DSCAM: variants seen among roughly 807,000 people sequenced by gnomAD.
DSCAM encodes the protein cell adhesion molecule DSCAM.
Under a neutral mutation model 217.7 loss-of-function variants are expected in DSCAM, and 47 were observed. The ratio of observed to expected loss-of-function variants is 0.22; its 90% CI spans 0.17 to 0.28. The LOEUF is 0.28. Among genes scored for constraint, DSCAM ranks in the 10% least tolerant of loss-of-function variants. The probability of loss-of-function intolerance (pLI) is 1.00; values close to 1 mark genes in which losing one functional copy is unlikely to be tolerated. For missense variants in DSCAM, 2,080 were observed against 2,618.3 expected (o/e 0.79, Z 4.49); for synonymous variants, 1,056 against 1,015.3 (o/e 1.04, Z -0.76).
intron 16 of DSCAM, among the ~76,000 whole-genome samples, chr21:40,158,385 C>T (rs575351535): frequency 1.3e-5 from 2 of 151,994 alleles, no homozygotes; most frequent in East Asian, 3.9e-4. Context: ...TAGAGTGAGA[C>T]CCTGTCTCAA....
At chr21:40,074,242 C>A (rs1055490186) in intron 27 of DSCAM, among the ~76,000 whole-genome samples, 1 of 152,112 alleles carries the variant, frequency 6.6e-6, no homozygotes, top group African/African-American at 2.4e-5. Context: ...TAGCAGTATC[C>A]CACACTGCAC....
chr21:40,655,654 T>C (rs2090066939), intron 3 of DSCAM, among the ~76,000 whole-genome samples: 1 of 152,106 alleles, frequency 6.6e-6, no homozygotes, highest in African/African-American at 2.4e-5. Context: ...GATTTTGCCA[T>C]GTTGCCAATA....
At chr21:40,584,979 G>A (rs542924048) in intron 3 of DSCAM, among the ~76,000 whole-genome samples, 2 of 152,178 alleles carry the variant, frequency 1.3e-5, no homozygotes, top group Non-Finnish European at 2.9e-5. Flanking sequence ...ATTCCAGAGA[G>A]AGTGCTCCCA....
intron 3 of DSCAM, among the ~76,000 whole-genome samples, chr21:40,376,397 T>TAG (rs1451636830): frequency 6.7e-6 from 1 of 148,196 alleles, no homozygotes; most frequent in African/African-American, 2.5e-5. Flanking sequence ...AGAAGATATA[T>TAG]ATATATCTAT....
chr21:40,085,476 T>G (rs1310158968), intron 23 of DSCAM, 126 bp downstream of exon 23: 2 of 858,610 alleles, frequency 2.3e-6, no homozygotes, highest in Admixed American at 7.2e-5. Flanking sequence ...GTTTTCTTTT[T>G]CTGTAATATG....
chr21:40,130,232 G>A (rs960552226), intron 19 of DSCAM, among the ~76,000 whole-genome samples: 13 of 152,088 alleles, frequency 8.5e-5, no homozygotes, highest in Admixed American at 3.3e-4. Flanking sequence ...GGCTTGACTC[G>A]TATTATAGTA....
chr21:40,776,998 T>C (rs1027959352), intron 1 of DSCAM, among the ~76,000 whole-genome samples: 2 of 152,180 alleles, frequency 1.3e-5, no homozygotes, highest in African/African-American at 4.8e-5. Context: ...TCTCACTATA[T>C]CTTAGTCTGC....
chr21:40,637,884 A>G (rs1412782603), intron 3 of DSCAM, among the ~76,000 whole-genome samples: 1 of 151,446 alleles, frequency 6.6e-6, no homozygotes, highest in Non-Finnish European at 1.5e-5. Context: ...GGGTTTCACC[A>G]TATTGGTCAG....
intron 3 of DSCAM, among the ~76,000 whole-genome samples, chr21:40,535,965 T>C (rs2146120384): frequency 6.6e-6 from 1 of 152,240 alleles, no homozygotes; most frequent in African/African-American, 2.4e-5. Context: ...AAGCTGGAGG[T>C]AAGTGCTGTG....
At chr21:40,416,897 C>A (rs1458100848) in intron 3 of DSCAM, among the ~76,000 whole-genome samples, 1 of 152,028 alleles carries the variant, frequency 6.6e-6, no homozygotes, top group Non-Finnish European at 1.5e-5. Flanking sequence ...TTCATGCCCC[C>A]CAAAAATGCT....
intron 3 of DSCAM, among the ~76,000 whole-genome samples, chr21:40,673,783 A>C (rs1297206249): frequency 6.6e-6 from 1 of 152,086 alleles, no homozygotes; most frequent in Non-Finnish European, 1.5e-5. Flanking sequence ...TACCATGTGA[A>C]CTTTCTGCTC....
intron 3 of DSCAM, among the ~76,000 whole-genome samples, chr21:40,551,924 T>A (rs1437821004): frequency 6.6e-6 from 1 of 151,990 alleles, no homozygotes; most frequent in Non-Finnish European, 1.5e-5. Context: ...GCCAAGAGGG[T>A]GTGTCCATTC....
chr21:40,693,294 G>A (rs2090558701), intron 2 of DSCAM, among the ~76,000 whole-genome samples: 1 of 152,140 alleles, frequency 6.6e-6, no homozygotes, highest in Middle Eastern at 3.4e-3. Flanking sequence ...AAAATTGCTG[G>A]GCATGGTGGT....
At chr21:40,215,323 T>C (rs1468732968) in intron 11 of DSCAM, among the ~76,000 whole-genome samples, 1 of 147,652 alleles carries the variant, frequency 6.8e-6, no homozygotes, top group East Asian at 2.0e-4. Context: ...AAAATGTGGT[T>C]CATACACAAC....
intron 18 of DSCAM, 136 bp from the exon 19 acceptor site, chr21:40,134,145 A>C: frequency 8.9e-7 from 1 of 1,126,358 alleles, no homozygotes; most frequent in Non-Finnish European, 1.2e-6. Context: ...GAATTCTCAA[A>C]GGGACTGTGC....
At chr21:40,800,313 T>C (rs1306711903) in intron 1 of DSCAM, among the ~76,000 whole-genome samples, 1 of 151,792 alleles carries the variant, frequency 6.6e-6, no homozygotes, top group African/African-American at 2.4e-5. Flanking sequence ...AGGAGTGGGG[T>C]GTTGATGATA....
At chr21:40,529,473 T>A (rs62225547) in intron 3 of DSCAM, among the ~76,000 whole-genome samples, 1 of 151,902 alleles carries the variant, frequency 6.6e-6, no homozygotes, top group Admixed American at 6.6e-5. Context: ...CCTTACAATG[T>A]GTTTCAAAAG....
chr21:40,543,811 A>G (rs1010145), intron 3 of DSCAM, among the ~76,000 whole-genome samples: 44,457 of 152,046 alleles, frequency 0.29, 8,279 homozygotes, highest in African/African-American at 0.52. Context: ...AATGACAACT[A>G]TTATTATTCA....
intron 3 of DSCAM, among the ~76,000 whole-genome samples, chr21:40,432,535 G>A (rs569560749): frequency 9.9e-5 from 15 of 152,234 alleles, no homozygotes; most frequent in Non-Finnish European, 1.9e-4. Context: ...CATCTATAAA[G>A]TCCTTTTTCC....
Sources: allele counts gnomAD v4.1 joint callset (sites outside exome capture counted in the v4.1 genomes callset), GRCh38; gene constraint gnomAD v4.1.1; transcripts MANE v1.5; gene names NCBI Gene and HGNC (gene_info 2026-07-23, HGNC 2026-07-21).